BMPR1A: variants seen among roughly 807,000 people sequenced by gnomAD.
BMPR1A encodes the protein bone morphogenetic protein receptor type-1A.
Under a neutral mutation model 66.0 loss-of-function variants are expected in BMPR1A, and 7 were observed. The ratio of observed to expected loss-of-function variants is 0.11; its 90% CI spans 0.06 to 0.20. The LOEUF (loss-of-function observed/expected upper bound fraction) is 0.20, where lower values mean the gene tolerates loss of function less well. Among genes scored for constraint, BMPR1A ranks in the 10% least tolerant of loss-of-function variants. The pLI, the probability that BMPR1A is intolerant of heterozygous loss-of-function variation, is 1.00. For synonymous variants in BMPR1A, 200 were observed against 229.7 expected, an observed-to-expected ratio of 0.87 and a Z score of 1.17; for missense variants, 408 against 669.1, an observed-to-expected ratio of 0.61 and a Z score of 4.31.
intron 2 of BMPR1A, among the ~76,000 whole-genome samples, chr10:86,873,926 C>T (rs1188282135): frequency 6.6e-6 from 1 of 152,148 alleles, no homozygotes; most frequent in African/African-American, 2.4e-5. Flanking sequence ...ATAACATACA[C>T]GTGTAAATGA....
At chr10:86,773,428 T>TA (rs953323367) in intron 1 of BMPR1A, among the ~76,000 whole-genome samples, 2 of 151,686 alleles carry the variant, frequency 1.3e-5, no homozygotes, top group African/African-American at 4.8e-5. Context: ...CTGTCTCTAC[T>TA]AAAAAAGTAC....
chr10:86,829,645 G>A (rs887287719), intron 1 of BMPR1A, among the ~76,000 whole-genome samples: 3 of 152,170 alleles, frequency 2.0e-5, no homozygotes, highest in Non-Finnish European at 2.9e-5. Context: ...TTGACATTTC[G>A]AGGATATTAA....
intron 7 of BMPR1A, among the ~76,000 whole-genome samples, chr10:86,909,453 A>G (rs1366679115): frequency 6.6e-6 from 1 of 151,984 alleles, no homozygotes; most frequent in African/African-American, 2.4e-5. Context: ...TTAGCCTGGT[A>G]TGGTGGTGTG....
chr10:86,794,538 A>G (rs1589719426), intron 1 of BMPR1A, among the ~76,000 whole-genome samples: 1 of 152,198 alleles, frequency 6.6e-6, no homozygotes, highest in South Asian at 2.1e-4. Flanking sequence ...TTAAGTCATC[A>G]AGTTAGAGTG....
intron 5 of BMPR1A, among the ~76,000 whole-genome samples, chr10:86,894,162 A>G (rs1376307924): frequency 6.6e-6 from 1 of 152,362 alleles, no homozygotes; most frequent in African/African-American, 2.4e-5. Context: ...TTTTCTAAAC[A>G]TAGTCTTGTG....
chr10:86,792,728 T>C (rs538011018), intron 1 of BMPR1A, among the ~76,000 whole-genome samples: 127 of 152,304 alleles, frequency 8.3e-4, no homozygotes, highest in African/African-American at 3.0e-3. Context: ...GCAAATGTAC[T>C]GGAAATATGA....
rs1414959339 is a variant in BMPR1A at position 86,925,741 on chromosome 10, G to C, written c.*2022G>C. On this transcript the variant is annotated 3_prime_UTR_variant, in exon 13 of 13. Transcript: ENST00000372037. Reference sequence around the variant, plus strand: ...GTCATCTTTTTTTTTTTTTTTTTGAGACGGAGTCTCGCTCTGTCGCCCAGG... The same window carrying C: ...GTCATCTTTTTTTTTTTTTTTTTGACACGGAGTCTCGCTCTGTCGCCCAGG... The C allele has an allele frequency of 7.3e-3, 353 of 48,132 alleles. 3 individuals are homozygous for C. The African/African-American group carries it at 0.089, about 12-fold the overall frequency. The allele number at this position is 48,132 out of a possible 1,614,324, so 3.0% of individuals were successfully genotyped here.
At chr10:86,788,293 G>C (rs1841547354) in intron 1 of BMPR1A, among the ~76,000 whole-genome samples, 2 of 152,116 alleles carry the variant, frequency 1.3e-5, no homozygotes, top group African/African-American at 2.4e-5. Context: ...TTTTCTATTT[G>C]GCTAAGTGGT....
intron 10 of BMPR1A, among the ~76,000 whole-genome samples, chr10:86,921,072 T>G (rs1843656127): frequency 6.6e-6 from 1 of 152,156 alleles, no homozygotes; most frequent in South Asian, 2.1e-4. Context: ...CAGGCTGATC[T>G]TGAACACCTG....
At chr10:86,901,101 T>C (rs527713048) in intron 7 of BMPR1A, among the ~76,000 whole-genome samples, 62 of 152,340 alleles carry the variant, frequency 4.1e-4, no homozygotes, top group Middle Eastern at 3.4e-3. Flanking sequence ...GACACTCAAC[T>C]CTGAGAGAGG....
intron 7 of BMPR1A, among the ~76,000 whole-genome samples, chr10:86,900,366 G>A (rs1843291838): frequency 6.6e-6 from 1 of 151,080 alleles, no homozygotes; most frequent in African/African-American, 2.4e-5. Context: ...ATGGAATAGT[G>A]AGCTTTCTGG....
intron 1 of BMPR1A, among the ~76,000 whole-genome samples, chr10:86,823,109 C>T (rs1305353652): frequency 6.6e-6 from 1 of 152,132 alleles, no homozygotes; most frequent in Non-Finnish European, 1.5e-5. Flanking sequence ...CTTAAATCAA[C>T]CAGCAAGTGT....
chr10:86,835,549 CAAAAAAAAAAAAAAAAAAAAAAA>C (rs55804247), intron 1 of BMPR1A, among the ~76,000 whole-genome samples: 526 of 44,352 alleles, frequency 0.012, 17 homozygotes, highest in African/African-American at 0.051. Context: ...GACTCTGTAT[CAAAAAAAAAAAAAAAAAAAAAAA>C]AAAAAAAAAA....
chr10:86,914,226 C>T (rs1843530786), intron 8 of BMPR1A, among the ~76,000 whole-genome samples: 1 of 152,072 alleles, frequency 6.6e-6, no homozygotes, highest in Admixed American at 6.5e-5. Context: ...AAGTTAATCT[C>T]AGTCCTTACC....
intron 1 of BMPR1A, among the ~76,000 whole-genome samples, chr10:86,802,632 A>G (rs1265032319): frequency 3.5e-5 from 5 of 143,586 alleles, no homozygotes; most frequent in Non-Finnish European, 6.1e-5. Context: ...CTTGAGGGAG[A>G]AAAAAAAAAA....
chr10:86,760,413 T>C (rs1841031083), intron 1 of BMPR1A, among the ~76,000 whole-genome samples: 1 of 151,822 alleles, frequency 6.6e-6, no homozygotes, highest in Admixed American at 6.6e-5. Flanking sequence ...AATTTTTGTA[T>C]TTTTAGTAGA....
intron 1 of BMPR1A, among the ~76,000 whole-genome samples, chr10:86,760,248 CTTTTTTTTTTTT>C (rs60211336): frequency 1.2e-4 from 2 of 17,024 alleles, no homozygotes; most frequent in African/African-American, 3.7e-4. Context: ...TTCTTTCTTT[CTTTTTTTTTTTT>C]TTTTTTTTTT....
intron 8 of BMPR1A, among the ~76,000 whole-genome samples, chr10:86,913,434 C>CT (rs1250722264): frequency 6.6e-6 from 1 of 151,660 alleles, no homozygotes; most frequent in East Asian, 1.9e-4. Flanking sequence ...ACCCTGATCT[C>CT]TAATTTTGAA....
At chr10:86,888,597 C>T (rs997206325) in intron 3 of BMPR1A, among the ~76,000 whole-genome samples, 5 of 151,960 alleles carry the variant, frequency 3.3e-5, no homozygotes, top group Non-Finnish European at 5.9e-5. Flanking sequence ...GAGGCTGAGG[C>T]GGGAGGATCG....
Sources: allele counts gnomAD v4.1 joint callset (sites outside exome capture counted in the v4.1 genomes callset), GRCh38; gene constraint gnomAD v4.1.1; transcripts MANE v1.5; gene names NCBI Gene and HGNC (gene_info 2026-07-23, HGNC 2026-07-21).